Variants in COL12A1 observed in about 807,000 individuals in gnomAD.
COL12A1 encodes the protein collagen alpha-1(XII) chain.
A neutral mutation model predicts 349.7 loss-of-function variants in COL12A1; 114 were observed. The ratio of observed to expected loss-of-function variants is 0.33; its 90% CI spans 0.28 to 0.38. The LOEUF (loss-of-function observed/expected upper bound fraction) is 0.38. COL12A1 is among the 10% of genes least tolerant of loss of function. The pLI, the probability that COL12A1 is intolerant of heterozygous loss-of-function variation, is 1.00. For missense variants in COL12A1, 3,284 were observed against 3,756.9 expected (o/e 0.87, Z 3.29); for synonymous variants, 1,369 against 1,329.0 (o/e 1.03, Z -0.66).
chr6:75,136,402 C>G (rs1267911910), intron 31 of COL12A1, among the ~76,000 whole-genome samples: 1 of 152,154 alleles, frequency 6.6e-6, no homozygotes, highest in Non-Finnish European at 1.5e-5. Flanking sequence ...AAGACCAACT[C>G]AAAGTCACAC....
intron 34 of COL12A1, 88 bp downstream of exon 34, chr6:75,133,204 TC>T (rs2149386921): frequency 8.3e-7 from 1 of 1,208,360 alleles, no homozygotes; most frequent in African/African-American, 1.6e-5. Context: ...CACCAAACTT[TC>T]CTAATTCTCT....
At chr6:75,187,707 CTT>C (rs1457491049) in intron 8 of COL12A1, among the ~76,000 whole-genome samples, 1 of 152,056 alleles carries the variant, frequency 6.6e-6, no homozygotes, top group Non-Finnish European at 1.5e-5. Context: ...TGTTTAATCA[CTT>C]ATCGATTCTC....
chr6:75,130,770 C>G (rs143357577), intron 36 of COL12A1, 82 bp downstream of exon 36: 114 of 1,556,964 alleles, frequency 7.3e-5, no homozygotes, highest in Non-Finnish European at 9.0e-5. Flanking sequence ...CTCACCACCC[C>G]CCTCCCACCA....
chr6:75,108,982 A>C (rs763078582), intron 52 of COL12A1, 36 bp downstream of exon 52: 92 of 1,584,468 alleles, frequency 5.8e-5, no homozygotes, highest in Non-Finnish European at 7.4e-5. Flanking sequence ...CAATCTTAAC[A>C]CAAGGTACCA....
chr6:75,147,738 C>T lies in COL12A1; in HGVS notation c.4354G>A (p.Val1452Ile), dbSNP rs751944606. The change falls in exon 23 of 66, where the codon GTC (valine) becomes ATC (isoleucine). Residue 1452 changes from valine to isoleucine, a missense_variant. This residue lies in a region of COL12A1 where 2,601 missense variants were observed against 2,824.8 expected (regional missense o/e 0.92). Transcript: ENST00000322507. ...KDLKPETEYV[V>I]NVYSVVEDEY... is the part of the protein sequence containing the mutation. Reference sequence around the variant, plus strand: ...TCTTCTACCACAGAATACACATTGACAACATATTCAGTTTCAGGTTTCAGA... The same window carrying T: ...TCTTCTACCACAGAATACACATTGATAACATATTCAGTTTCAGGTTTCAGA... 6.2e-7 allele frequency: 1 copy of T among 1,613,554 alleles called. No individual in the cohort carries two copies. The highest frequency in any genetic ancestry group is 1.7e-5 in the Admixed American group (1 of 60,006).
At chr6:75,162,153 TA>T (rs1389380197) in intron 14 of COL12A1, among the ~76,000 whole-genome samples, 2 of 152,122 alleles carry the variant, frequency 1.3e-5, no homozygotes, top group African/African-American at 4.8e-5. Context: ...AAAACTACAT[TA>T]AATTTCAGAT....
chr6:75,123,934 C>T lies in COL12A1; in HGVS notation c.6871+14G>A, dbSNP rs1202390452. 1 of 1,596,726 alleles carries T rather than the reference C, an allele frequency of 6.3e-7. No individual in the cohort carries two copies. The highest frequency in any genetic ancestry group is 1.3e-5 in the African/African-American group (1 of 74,346). On this transcript the variant is annotated intron_variant, in intron 42 of 65. Coordinates refer to ENST00000322507, the MANE Select transcript of COL12A1 (RefSeq NM_004370.6). The stretch of plus-strand genomic sequence containing the variant: ...AAGCCTTATGAAAGCTTTCCAGATT[C>T]CTCAAAAACTTACTGGTATGTTCTT...
At chr6:75,131,028 C>G in intron 35 of COL12A1, 47 bp from the exon 36 acceptor site, 2 of 1,611,990 alleles carry the variant, frequency 1.2e-6, no homozygotes, top group Non-Finnish European at 8.5e-7. Flanking sequence ...AACTCAAATG[C>G]TTACCAAGTC....
At chr6:75,158,094 G>T (rs905563654) in intron 14 of COL12A1, among the ~76,000 whole-genome samples, 4 of 152,006 alleles carry the variant, frequency 2.6e-5, no homozygotes, top group Non-Finnish European at 4.4e-5. Flanking sequence ...TCTAATAAAA[G>T]TTACAAGACA....
At chr6:75,147,943 A>G in intron 22 of COL12A1, 139 bp from the exon 23 acceptor site, 1 of 929,028 alleles carries the variant, frequency 1.1e-6, no homozygotes, top group Non-Finnish European at 1.6e-6. Context: ...TTTGGAAACT[A>G]TCAGATTACA....
intron 20 of COL12A1, among the ~76,000 whole-genome samples, chr6:75,151,653 T>A (rs1204469206): frequency 6.6e-6 from 1 of 152,124 alleles, no homozygotes; most frequent in African/African-American, 2.4e-5. Context: ...TTTTTCTTCT[T>A]GATCTATTAA....
chr6:75,130,036 A>C, intron 37 of COL12A1, 55 bp downstream of exon 37: 1 of 1,591,636 alleles, frequency 6.3e-7, no homozygotes, highest in South Asian at 1.1e-5. Context: ...GTTTAACTTC[A>C]CTGTCCATTC....
intron 27 of COL12A1, among the ~76,000 whole-genome samples, chr6:75,141,413 C>T (rs1190524587): frequency 6.6e-6 from 1 of 152,158 alleles, no homozygotes; most frequent in East Asian, 1.9e-4. Context: ...GAACTGACAT[C>T]TCCAGGAGCT....
chr6:75,143,047 A>G (rs1366218032), intron 26 of COL12A1, among the ~76,000 whole-genome samples: 1 of 152,250 alleles, frequency 6.6e-6, no homozygotes, highest in African/African-American at 2.4e-5. Flanking sequence ...TTAATATCAC[A>G]CAGCAAAACA....
Position 75,183,498 on chromosome 6 carries a change from A to G in COL12A1, c.1443T>C (p.Leu481=). Residue 481 remains leucine, a synonymous_variant, in exon 10 of 66, where the codon CTT becomes CTC. Transcript: ENST00000322507. ...TATGAGGATCCCGGCTGTATTGCAC[A>G]AGACTAATCTGGACCCTATTTGGTG... The part of the protein sequence containing the change: ...EISPNRVQIS[L]VQYSRDPHTE... 1.2e-6 allele frequency: 2 copies of G among 1,614,216 alleles called. No individual in the cohort carries two copies. Among genetic ancestry groups the G allele is most frequent in the South Asian group, 2.2e-5 (2 of 91,088 alleles).
chr6:75,095,623 C>CAAAA (rs58205028), intron 59 of COL12A1, among the ~76,000 whole-genome samples: 2 of 102,090 alleles, frequency 2.0e-5, no homozygotes, highest in African/African-American at 4.0e-5. Flanking sequence ...GACTCCGTCT[C>CAAAA]AAAAAAAAAA....
Position 75,189,387 on chromosome 6 carries a change from G to A in COL12A1, c.659-6C>T, listed in dbSNP as rs1298033913. On this transcript the variant is annotated splice_polypyrimidine_tract_variant and splice_region_variant and intron_variant, in intron 6 of 65. Transcript: ENST00000322507. ...TAAATAATCAATGGCATCCCCTAAA[G>A]GGAAAAGAAACATGTTCATTTACTC... 1.2e-6 allele frequency: 2 copies of A among 1,611,024 alleles called. No homozygotes were observed. The highest frequency in any genetic ancestry group is 1.7e-6 in the Non-Finnish European group (2 of 1,178,928).
At chr6:75,173,003 C>A (rs1392870637) in intron 13 of COL12A1, among the ~76,000 whole-genome samples, 2 of 152,198 alleles carry the variant, frequency 1.3e-5, no homozygotes, top group Admixed American at 6.5e-5. Flanking sequence ...TGGAACCAAT[C>A]TGCAGCCCCC....
chr6:75,090,948 G>A lies in COL12A1; in HGVS notation c.8752+375C>T, dbSNP rs1767730802. Reference sequence around the variant, plus strand: ...TTACTTAACAGGCCTTATGGAATAAGAAGAGCCTGTGAAAAACAGGCAAGA... The same window carrying A: ...TTACTTAACAGGCCTTATGGAATAAAAAGAGCCTGTGAAAAACAGGCAAGA... On this transcript the variant is annotated intron_variant, in intron 62 of 65. Transcript: ENST00000322507. This position sits in a 1 kb window ranked among gnomAD's most constrained non-coding sequence, Gnocchi z 4.1. Among the ~76,000 whole-genome samples, 2 of 152,164 alleles carry A rather than the reference G, an allele frequency of 1.3e-5. No homozygotes were observed. The highest frequency in any genetic ancestry group is 6.5e-5 in the Admixed American group (1 of 15,280).
Sources: allele counts gnomAD v4.1 joint callset (sites outside exome capture counted in the v4.1 genomes callset), GRCh38; gene constraint gnomAD v4.1.1; regional missense constraint gnomAD v4.1.1; non-coding constraint Gnocchi (gnomAD v3.1); transcripts MANE v1.5; gene names NCBI Gene and HGNC (gene_info 2026-07-23, HGNC 2026-07-21).